CBLB: variants seen among roughly 807,000 people sequenced by gnomAD.
CBLB encodes E3 ubiquitin-protein ligase CBL-B.
In CBLB, 31 loss-of-function variants were observed where a neutral mutation model predicts 104.9. That is an observed-to-expected ratio of 0.30 (90% CI 0.22 to 0.40). The LOEUF (loss-of-function observed/expected upper bound fraction) is 0.40. CBLB is among the 10% of genes least tolerant of loss of function. The pLI, the probability that CBLB is intolerant of heterozygous loss-of-function variation, is 1.00. For missense variants in CBLB, 1,062 were observed against 1,214.6 expected, an observed-to-expected ratio of 0.87 and a Z score of 1.87; for synonymous variants, 440 against 422.6, an observed-to-expected ratio of 1.04 and a Z score of -0.51.
intron 3 of CBLB, among the ~76,000 whole-genome samples, chr3:105,815,934 C>CT (rs1464855804): frequency 1.3e-5 from 2 of 152,116 alleles, no homozygotes; most frequent in Non-Finnish European, 2.9e-5. Flanking sequence ...TCTCAGCAAA[C>CT]TAACACAGGA....
intron 4 of CBLB, among the ~76,000 whole-genome samples, chr3:105,766,656 TA>T (rs66607696): frequency 0.23 from 35,097 of 152,000 alleles, 4,413 homozygotes; most frequent in Non-Finnish European, 0.28. Context: ...AAGGTACATA[TA>T]TTTTTTTAGA....
At chr3:105,846,886 G>A (rs1379369687) in intron 3 of CBLB, among the ~76,000 whole-genome samples, 1 of 151,986 alleles carries the variant, frequency 6.6e-6, no homozygotes, top group Non-Finnish European at 1.5e-5. Context: ...ATGGTAAACT[G>A]AAAACCTGTG....
At position 105,776,456 on chromosome 3, in the gene CBLB, T is replaced by A; in HGVS notation, c.506A>T (p.Asp169Val). Residue 169 changes from aspartate (D) to valine (V), a missense_variant, in exon 4 of 19, where the codon GAT becomes GTT. By Grantham distance (152) the Asp-to-Val change is radical. This residue lies in a region of CBLB where 457 missense variants were observed against 632.0 expected (regional missense o/e 0.72). Transcript: ENST00000394030. ...AIFPNGQFQG[D>V]NFRITKADAA... Reference sequence around the variant, plus strand: ...ATCTGCTTTTGTGATACGAAAGTTATCTCCCTGGAATTGACCATTGGGAAA... The same window carrying A: ...ATCTGCTTTTGTGATACGAAAGTTAACTCCCTGGAATTGACCATTGGGAAA... The A allele has an allele frequency of 6.2e-7, 1 of 1,613,786 alleles. No individual in the cohort carries two copies. The highest frequency in any genetic ancestry group is 8.5e-7 in the Non-Finnish European group (1 of 1,179,856).
chr3:105,796,881 T>C (rs1257808391), intron 3 of CBLB, among the ~76,000 whole-genome samples: 3 of 152,138 alleles, frequency 2.0e-5, no homozygotes, highest in Non-Finnish European at 4.4e-5. Flanking sequence ...ATGGGAACCA[T>C]CTCACAGCAC....
chr3:105,743,474 A>AT (rs1553760326), intron 6 of CBLB, among the ~76,000 whole-genome samples: 1 of 150,456 alleles, frequency 6.6e-6, no homozygotes, highest in Non-Finnish European at 1.5e-5. Context: ...AAAAAAAAAA[A>AT]TTAAAAAAAA....
chr3:105,712,467 G>T (rs1444859435), intron 10 of CBLB, among the ~76,000 whole-genome samples: 1 of 152,062 alleles, frequency 6.6e-6, no homozygotes, highest in Non-Finnish European at 1.5e-5. Flanking sequence ...AACATTCTGA[G>T]AATTAAAGGA....
At chr3:105,839,943 A>T (rs954916549) in intron 3 of CBLB, among the ~76,000 whole-genome samples, 1 of 152,260 alleles carries the variant, frequency 6.6e-6, no homozygotes, top group Non-Finnish European at 1.5e-5. Context: ...AATTTGCTTT[A>T]AGACTTTATC....
At chr3:105,722,641 T>C (rs1384672884) in intron 9 of CBLB, among the ~76,000 whole-genome samples, 1 of 152,242 alleles carries the variant, frequency 6.6e-6, no homozygotes, top group African/African-American at 2.4e-5. Flanking sequence ...GTGCATAGAA[T>C]GTGCAAGCCA....
chr3:105,751,398 A>G, intron 5 of CBLB, 64 bp downstream of exon 5: 2 of 1,141,900 alleles, frequency 1.8e-6, no homozygotes, highest in Non-Finnish European at 2.6e-6. Flanking sequence ...GAGAGAGAGA[A>G]ACAGAGAGAA....
chr3:105,800,397 C>T (rs2082710094), intron 3 of CBLB, among the ~76,000 whole-genome samples: 2 of 152,100 alleles, frequency 1.3e-5, no homozygotes, highest in South Asian at 2.1e-4. Flanking sequence ...AGCTGCATAT[C>T]GGAATCATCT....
rs73854392 is a variant in CBLB at position 105,728,841 on chromosome 3, C to T, written c.1203+5168G>A. On this transcript the variant is annotated intron_variant, in intron 9 of 18. Transcript: ENST00000394030. ...CTCTTCAGAGGCATGACTAATGGGCCATTATGACAGCAATTAAAGAGTAAC... is the reference window on the plus strand; with the variant it reads ...CTCTTCAGAGGCATGACTAATGGGCTATTATGACAGCAATTAAAGAGTAAC... Among the ~76,000 whole-genome samples, 978 of 152,200 alleles carry T rather than the reference C, an allele frequency of 6.4e-3. 12 individuals are homozygous for T. The highest frequency in any genetic ancestry group is 0.023 in the African/African-American group (937 of 41,526).
chr3:105,753,938 T>C (rs2076812155), intron 4 of CBLB, among the ~76,000 whole-genome samples: 1 of 152,204 alleles, frequency 6.6e-6, no homozygotes, highest in African/African-American at 2.4e-5. Flanking sequence ...AGTACTTGTG[T>C]AAATGAAACT....
At chr3:105,780,772 C>G (rs1375526583) in intron 3 of CBLB, among the ~76,000 whole-genome samples, 1 of 147,134 alleles carries the variant, frequency 6.8e-6, no homozygotes, top group Non-Finnish European at 1.5e-5. Flanking sequence ...ATGCCATTCT[C>G]CTGCCTCAGC....
intron 18 of CBLB, among the ~76,000 whole-genome samples, chr3:105,662,619 A>G (rs2063898419): frequency 6.6e-6 from 1 of 152,218 alleles, no homozygotes; most frequent in African/African-American, 2.4e-5. Context: ...ATTTTAAAGC[A>G]CTGAAATGAA....
chr3:105,842,017 G>GA lies in CBLB; in HGVS notation c.419+11396dup, dbSNP rs1261273271. Among the ~76,000 whole-genome samples, 732 of 133,854 alleles carry GA rather than the reference G, an allele frequency of 5.5e-3. 4 individuals are homozygous for GA. The highest frequency in any genetic ancestry group is 0.015 in the African/African-American group (567 of 36,638). The allele number at this position is 133,854 out of a possible 152,430, so 87.8% of individuals were successfully genotyped here. ...AATAGGGACAGTGTTTTCCTCTGGA[G>GA]AAAAAAAAAAAAAGAGGGTTACAGT... On this transcript the variant is annotated intron_variant, in intron 3 of 18. Transcript: ENST00000394030.
Position 105,774,571 on chromosome 3 carries a change from G to A in CBLB, c.566+1825C>T, listed in dbSNP as rs79812522. Reference sequence around the variant, plus strand: ...AAAAGTGAAAAGACTTGGGAGGTAGGGAAAGTATCTAATCACTATTTCAAG... The same window carrying A: ...AAAAGTGAAAAGACTTGGGAGGTAGAGAAAGTATCTAATCACTATTTCAAG... On this transcript the variant is annotated intron_variant, in intron 4 of 18. Transcript: ENST00000394030. Among the ~76,000 whole-genome samples, 925 of 152,160 alleles carry A rather than the reference G, an allele frequency of 6.1e-3. 10 individuals carry two copies. Among genetic ancestry groups the A allele is most frequent in the African/African-American group, 0.021 (878 of 41,498 alleles).
rs371633741 is a variant in CBLB, at chr3:105,793,103, C to T, written c.420-16561G>A. On this transcript the variant is annotated intron_variant, in intron 3 of 18. Transcript: ENST00000394030. ...GAAAATGTCAGTCGAGCACTGTTAA[C>T]TTATTTTGTCCTGAGAACCTCTAAT... Among the ~76,000 whole-genome samples the T allele has an allele frequency of 9.2e-5, 14 of 152,178 alleles. No individual in the cohort carries two copies. In the South Asian group the frequency reaches 2.9e-3, roughly 32 times the overall value.
intron 3 of CBLB, among the ~76,000 whole-genome samples, chr3:105,784,984 A>C: frequency 6.6e-6 from 1 of 152,162 alleles, no homozygotes; most frequent in East Asian, 1.9e-4. Flanking sequence ...CTTTACGTCA[A>C]AATACCCACA....
intron 12 of CBLB, 54 bp downstream of exon 12, chr3:105,702,040 C>G: frequency 6.3e-7 from 1 of 1,597,836 alleles, no homozygotes; most frequent in Non-Finnish European, 8.6e-7. Context: ...TGCTACTGAC[C>G]ATCAGAAGCA....
Sources: allele counts gnomAD v4.1 joint callset (sites outside exome capture counted in the v4.1 genomes callset), GRCh38; gene constraint gnomAD v4.1.1; regional missense constraint gnomAD v4.1.1; transcripts MANE v1.5; gene names NCBI Gene and HGNC (gene_info 2026-07-23, HGNC 2026-07-21).